ANKRD17: variants seen among roughly 807,000 people sequenced by gnomAD.
The protein encoded by ANKRD17 is ankyrin repeat domain-containing protein 17.
In ANKRD17, 19 loss-of-function variants were observed where a neutral mutation model predicts 229.7. The observed-to-expected ratio is 0.08, with a 90% confidence interval of 0.06 to 0.12. The LOEUF (loss-of-function observed/expected upper bound fraction) is 0.12, where lower values mean the gene tolerates loss of function less well. Ranked by LOEUF, ANKRD17 falls within the 10% of genes least tolerant of loss-of-function variation. ANKRD17 has a pLI of 1.00. For synonymous variants in ANKRD17, 1,112 were observed against 1,146.1 expected, an observed-to-expected ratio of 0.97 and a Z score of 0.60; for missense variants, 2,176 against 3,176.8, an observed-to-expected ratio of 0.68 and a Z score of 7.57.
chr4:73,222,310 T>C (rs1177699114), intron 1 of ANKRD17, among the ~76,000 whole-genome samples: 2 of 152,298 alleles, frequency 1.3e-5, no homozygotes, highest in East Asian at 1.9e-4. Context: ...AATAGGATCT[T>C]ATAAAATTTT....
At chr4:73,195,935 T>C (rs371623305) in intron 1 of ANKRD17, among the ~76,000 whole-genome samples, 7 of 152,300 alleles carry the variant, frequency 4.6e-5, no homozygotes, top group African/African-American at 1.4e-4. Flanking sequence ...ATAATTTGTA[T>C]GTTCTCTCCC....
At position 73,092,359 on chromosome 4, in the gene ANKRD17, GTTT is replaced by G; in HGVS notation, c.5328-62_5328-60del. The G allele has an allele frequency of 2.2e-6, 3 of 1,373,730 alleles. No homozygotes were observed. In the Middle Eastern group the frequency reaches 6.7e-4, roughly 308 times the overall value. The allele number at this position is 1,373,730 out of a possible 1,614,324, so 85.1% of individuals were successfully genotyped here. A position where few individuals can be genotyped will look rare whatever the true frequency, so the allele number is the denominator to read the frequency against. ...TTCCCTACTTTTGAGTATGTAAAGT[GTTT>G]TTAATATGTATTTATGTACACAAAC... On this transcript the variant is annotated intron_variant, in intron 28 of 33. Transcript: ENST00000358602.
rs1726759299 is a variant in ANKRD17 at position 73,121,759 on chromosome 4, C to T, written c.3493G>A (p.Val1165Met). Residue 1165 changes from valine (V) to methionine (M), a missense_variant and splice_region_variant, in exon 19 of 34, where the codon GTG (valine) becomes ATG (methionine). Coordinates refer to ENST00000358602, the MANE Select transcript of ANKRD17 (RefSeq NM_032217.5). ...CCTCGAGCTAACAATAGCTCCACCA[C>T]CTGAAAATAAAATAGAAAAAAATAT... ...SLACSGGRQE[V>M]VELLLARGAN... is the part of the protein sequence containing the mutation. The T allele has an allele frequency of 1.9e-6, 3 of 1,577,804 alleles. No homozygotes were observed. Among genetic ancestry groups the T allele is most frequent in the East Asian group, 2.2e-5 (1 of 44,470 alleles).
chr4:73,198,969 C>G (rs1738269296), intron 1 of ANKRD17, among the ~76,000 whole-genome samples: 1 of 152,054 alleles, frequency 6.6e-6, no homozygotes, highest in African/African-American at 2.4e-5. Flanking sequence ...AGTATAGCAT[C>G]AAAAACTTAA....
chr4:73,187,411 T>C (rs1314579571), intron 1 of ANKRD17, among the ~76,000 whole-genome samples: 1 of 152,138 alleles, frequency 6.6e-6, no homozygotes, highest in African/African-American at 2.4e-5. Flanking sequence ...GTTATAAAAG[T>C]GGAAGTGAGA....
At chr4:73,108,042 A>G (rs1724850509) in intron 24 of ANKRD17, among the ~76,000 whole-genome samples, 1 of 152,186 alleles carries the variant, frequency 6.6e-6, no homozygotes, top group Admixed American at 6.5e-5. Flanking sequence ...ACTGTTGCCT[A>G]AGCTGGAGTA....
intron 2 of ANKRD17, 103 bp from the exon 3 acceptor site, chr4:73,161,451 C>T: frequency 1.7e-6 from 2 of 1,172,724 alleles, no homozygotes; most frequent in Admixed American, 2.4e-5. Flanking sequence ...AAATAACCTC[C>T]AAATGGTAGA....
intron 14 of ANKRD17, among the ~76,000 whole-genome samples, 185 bp downstream of exon 14, chr4:73,141,556 C>G (rs577732103): frequency 1.3e-5 from 2 of 152,318 alleles, no homozygotes; most frequent in African/African-American, 4.8e-5. Context: ...GCTAAAACTT[C>G]TAATTGTAGC....
chr4:73,121,495 CT>C (rs1578113378), intron 19 of ANKRD17, 121 bp downstream of exon 19: 4 of 1,244,278 alleles, frequency 3.2e-6, no homozygotes, highest in Non-Finnish European at 2.3e-6. Flanking sequence ...ATCTCTAACA[CT>C]TTGAATGCCA....
At chr4:73,193,727 G>A (rs978548676) in intron 1 of ANKRD17, among the ~76,000 whole-genome samples, 2 of 152,124 alleles carry the variant, frequency 1.3e-5, no homozygotes, top group Non-Finnish European at 2.9e-5. Context: ...GAGCCTAGGA[G>A]TTCTGCAACA....
chr4:73,228,896 A>G (rs1742771372), intron 1 of ANKRD17, among the ~76,000 whole-genome samples: 4 of 152,316 alleles, frequency 2.6e-5, no homozygotes, highest in Middle Eastern at 3.4e-3. Context: ...ATGTCCAACA[A>G]TGATAGACTG....
intron 1 of ANKRD17, among the ~76,000 whole-genome samples, chr4:73,207,113 C>A (rs1379202411): frequency 6.6e-6 from 1 of 152,038 alleles, no homozygotes. Context: ...CATGAGCCAC[C>A]GTGCCCAGCC....
chr4:73,209,715 A>G (rs1740002989), intron 1 of ANKRD17, among the ~76,000 whole-genome samples: 1 of 152,212 alleles, frequency 6.6e-6, no homozygotes, highest in Non-Finnish European at 1.5e-5. Flanking sequence ...AGTAAGTCAA[A>G]TGCTGCCATA....
chr4:73,216,560 G>A (rs1047782866), intron 1 of ANKRD17, among the ~76,000 whole-genome samples: 1 of 152,280 alleles, frequency 6.6e-6, no homozygotes. Context: ...GTAACTAAAT[G>A]CTGTGCTAAA....
chr4:73,244,490 G>T (rs543792335), intron 1 of ANKRD17, among the ~76,000 whole-genome samples: 1 of 152,126 alleles, frequency 6.6e-6, no homozygotes, highest in Non-Finnish European at 1.5e-5. Flanking sequence ...CCTTAGATGC[G>T]CTAGCCACAT....
chr4:73,202,412 G>T (rs1738799439), intron 1 of ANKRD17, among the ~76,000 whole-genome samples: 1 of 147,864 alleles, frequency 6.8e-6, no homozygotes, highest in Non-Finnish European at 1.5e-5. Context: ...AATTAATGCA[G>T]CTAAAACGTG....
intron 1 of ANKRD17, among the ~76,000 whole-genome samples, chr4:73,209,773 T>C (rs1227464296): frequency 6.6e-6 from 1 of 152,140 alleles, no homozygotes; most frequent in African/African-American, 2.4e-5. Context: ...ATCCCAAGAA[T>C]ACAAAGTTGG....
intron 24 of ANKRD17, 164 bp from the exon 25 acceptor site, chr4:73,102,711 G>T: frequency 1.5e-6 from 1 of 685,966 alleles, no homozygotes; most frequent in Non-Finnish European, 2.3e-6. Context: ...ACTCTAAAGA[G>T]ACAATATTTT....
intron 11 of ANKRD17, among the ~76,000 whole-genome samples, chr4:73,143,949 C>T (rs1273844625): frequency 6.6e-6 from 1 of 152,084 alleles, no homozygotes; most frequent in East Asian, 1.9e-4. Context: ...CTGTGTTGTC[C>T]AGGCTAGTCT....
Sources: allele counts gnomAD v4.1 joint callset (sites outside exome capture counted in the v4.1 genomes callset), GRCh38; gene constraint gnomAD v4.1.1; transcripts MANE v1.5; gene names NCBI Gene and HGNC (gene_info 2026-07-23, HGNC 2026-07-21).